LMO7: variants seen among roughly 807,000 people sequenced by gnomAD.
LMO7 encodes LIM domain 7.
Under a neutral mutation model 206.5 loss-of-function variants are expected in LMO7, and 120 were observed. That is an observed-to-expected ratio of 0.58 (90% CI 0.50 to 0.68). The LOEUF (loss-of-function observed/expected upper bound fraction) is 0.68, where lower values mean the gene tolerates loss of function less well. Ranked by LOEUF, LMO7 falls within the 30% of genes least tolerant of loss-of-function variation. The pLI, the probability that LMO7 is intolerant of heterozygous loss-of-function variation, is 0.00. For synonymous variants in LMO7, 706 were observed against 681.5 expected, an observed-to-expected ratio of 1.04 and a Z score of -0.56; for missense variants, 1,959 against 1,957.9, an observed-to-expected ratio of 1.00 and a Z score of -0.01.
At chr13:75,812,993 T>A (rs1033476079) in intron 11 of LMO7, among the ~76,000 whole-genome samples, 1 of 152,194 alleles carries the variant, frequency 6.6e-6, no homozygotes, top group Non-Finnish European at 1.5e-5. Context: ...GGCCGACAGA[T>A]AGGGATGTGG....
At chr13:75,812,766 G>A (rs1182076565) in intron 11 of LMO7, among the ~76,000 whole-genome samples, 2 of 151,128 alleles carry the variant, frequency 1.3e-5, no homozygotes, top group South Asian at 2.1e-4. Context: ...CAAGATGCTA[G>A]ATCTGTATTT....
chr13:75,773,306 G>A (rs1057134855), intron 4 of LMO7, among the ~76,000 whole-genome samples: 2 of 152,148 alleles, frequency 1.3e-5, no homozygotes, highest in African/African-American at 4.8e-5. Flanking sequence ...AAGCTTGAGT[G>A]AGGCCTGTAG....
chr13:75,848,377 G>C (rs1273903592), intron 26 of LMO7, among the ~76,000 whole-genome samples: 2 of 152,128 alleles, frequency 1.3e-5, no homozygotes, highest in African/African-American at 4.8e-5. Flanking sequence ...CATCCAGGTT[G>C]CTGCAAATGC....
chr13:75,819,301 G>T, intron 12 of LMO7, 92 bp from the exon 13 acceptor site: 1 of 1,397,774 alleles, frequency 7.2e-7, no homozygotes, highest in Non-Finnish European at 9.5e-7. Flanking sequence ...AATAGTTTCA[G>T]TGATGTAATA....
chr13:75,674,584 G>A (rs2039856676), intron 1 of LMO7, among the ~76,000 whole-genome samples: 1 of 152,212 alleles, frequency 6.6e-6, no homozygotes, highest in African/African-American at 2.4e-5. Flanking sequence ...AGGTCAGAAT[G>A]CTCCCGTGTG....
chr13:75,717,288 G>A (rs1566344937), intron 2 of LMO7, among the ~76,000 whole-genome samples: 1 of 150,964 alleles, frequency 6.6e-6, no homozygotes, highest in Non-Finnish European at 1.5e-5. Flanking sequence ...GCGTGAACCT[G>A]GGAGGCGGAG....
In LMO7 at chr13:75,643,265, T is replaced by C. The variant is rs80180032; in HGVS notation, c.69+6539T>C. Among the ~76,000 whole-genome samples, 674 of 152,360 alleles carry C rather than the reference T, an allele frequency of 4.4e-3. 6 individuals carry two copies. The highest frequency in any genetic ancestry group is 0.016 in the African/African-American group (653 of 41,590). ...TTCCTGTTAAGACTGGTTCTCAACATACCAGCATTTGAGTTATAGAAACAC... is the reference window on the plus strand; with the variant it reads ...TTCCTGTTAAGACTGGTTCTCAACACACCAGCATTTGAGTTATAGAAACAC... On this transcript the variant is annotated intron_variant, in intron 1 of 30. Coordinates refer to ENST00000377534, the MANE Select transcript of LMO7 (RefSeq NM_001306080.2).
intron 1 of LMO7, among the ~76,000 whole-genome samples, chr13:75,667,671 T>C (rs1015668721): frequency 2.0e-5 from 3 of 152,244 alleles, no homozygotes; most frequent in Non-Finnish European, 2.9e-5. Flanking sequence ...ATCATGAGCA[T>C]ATTTTCCTTT....
intron 3 of LMO7, among the ~76,000 whole-genome samples, chr13:75,751,761 A>C (rs771061852): frequency 2.0e-5 from 3 of 152,132 alleles, no homozygotes; most frequent in Non-Finnish European, 4.4e-5. Flanking sequence ...TTTGCTTATA[A>C]TGACAGCTCT....
At chr13:75,714,577 A>G (rs1418524870) in intron 2 of LMO7, among the ~76,000 whole-genome samples, 3 of 152,168 alleles carry the variant, frequency 2.0e-5, no homozygotes, top group East Asian at 3.9e-4. Context: ...GGTGACATGT[A>G]TAGGACACAC....
intron 1 of LMO7, among the ~76,000 whole-genome samples, chr13:75,708,678 A>C (rs541492416): frequency 1.3e-5 from 2 of 152,328 alleles, no homozygotes; most frequent in East Asian, 3.9e-4. Flanking sequence ...AAAATTCAAA[A>C]GAGTTTCTCT....
At chr13:75,733,266 T>A (rs1174639219) in intron 3 of LMO7, among the ~76,000 whole-genome samples, 1 of 152,260 alleles carries the variant, frequency 6.6e-6, no homozygotes. Flanking sequence ...TCTTGAGCTG[T>A]GGTGGGCTCC....
chr13:75,850,870 T>G (rs1345123316), intron 27 of LMO7, among the ~76,000 whole-genome samples: 2 of 152,122 alleles, frequency 1.3e-5, no homozygotes, highest in Non-Finnish European at 2.9e-5. Flanking sequence ...GCTGTGTCTA[T>G]CTTGGCAGTA....
At chr13:75,808,664 C>T (rs2055886397) in intron 10 of LMO7, among the ~76,000 whole-genome samples, 1 of 152,148 alleles carries the variant, frequency 6.6e-6, no homozygotes, top group Admixed American at 6.5e-5. Context: ...GTTTCTTGGA[C>T]TATCATTTGT....
intron 6 of LMO7, among the ~76,000 whole-genome samples, chr13:75,800,056 A>G (rs995738316): frequency 6.6e-6 from 1 of 152,224 alleles, no homozygotes; most frequent in Non-Finnish European, 1.5e-5. Flanking sequence ...CCTTGATTCA[A>G]CAAGAAGGAT....
chr13:75,635,409 C>T (rs2138902766), upstream of LMO7, among the ~76,000 whole-genome samples: 1 of 152,260 alleles, frequency 6.6e-6, no homozygotes, highest in South Asian at 2.1e-4. Flanking sequence ...AAGACCCGCG[C>T]AAGCCGACCC....
At chr13:75,621,907 T>C (rs746395835) in intron 1 of LMO7, 2 of 1,463,224 alleles carry the variant, frequency 1.4e-6, no homozygotes, top group East Asian at 2.4e-5. Flanking sequence ...ATTATTACTT[T>C]GAAAGAACTA....
chr13:75,698,322 G>T (rs1393005510), intron 1 of LMO7, among the ~76,000 whole-genome samples: 1 of 152,154 alleles, frequency 6.6e-6, no homozygotes, highest in East Asian at 1.9e-4. Flanking sequence ...ATTTTTAAGA[G>T]ATAGGGTCTA....
At chr13:75,658,741 G>A (rs1476457665) in intron 1 of LMO7, among the ~76,000 whole-genome samples, 2 of 150,332 alleles carry the variant, frequency 1.3e-5, no homozygotes, top group East Asian at 2.0e-4. Flanking sequence ...CCACCACCAC[G>A]CCCAGCTAAT....
Sources: gnomAD v4.1 joint callset for allele counts (sites outside exome capture counted in the v4.1 genomes callset) on GRCh38, gnomAD v4.1.1 for gene constraint, MANE v1.5 for transcripts, NCBI Gene and HGNC (gene_info 2026-07-23, HGNC 2026-07-21) for gene names.